The following LAMA1 variants were observed in gnomAD, a reference collection of about 807,000 sequenced individuals.
The protein encoded by LAMA1 is laminin subunit alpha-1.
LAMA1 carries 219 observed loss-of-function variants against 348.7 expected under a neutral mutation model. The observed-to-expected ratio is 0.63, with a 90% CI of 0.56 to 0.70. The LOEUF (loss-of-function observed/expected upper bound fraction) is 0.70, where lower values mean the gene tolerates loss of function less well. Ranked by LOEUF, LAMA1 falls within the 30% of genes least tolerant of loss-of-function variation. LAMA1 has a pLI of 0.00. For missense variants in LAMA1, 3,744 were observed against 3,888.0 expected, an observed-to-expected ratio of 0.96 and a Z score of 0.99; for synonymous variants, 1,487 against 1,491.0, an observed-to-expected ratio of 1.00 and a Z score of 0.06.
At chr18:7,038,441 T>C in intron 11 of LAMA1, 3 of 359,556 alleles carry the variant, frequency 8.3e-6, no homozygotes, top group Non-Finnish European at 1.6e-5. Flanking sequence ...TTAGCGTCTT[T>C]GAGCTGGAAA....
intron 3 of LAMA1, among the ~76,000 whole-genome samples, chr18:7,060,425 T>G (rs2058098057): frequency 6.6e-6 from 1 of 152,212 alleles, no homozygotes; most frequent in South Asian, 2.1e-4. Flanking sequence ...GTCCAGTAAC[T>G]TTTCTCTTTT....
chr18:6,972,012 A>C (rs1294753002), intron 47 of LAMA1, 31 bp from the exon 48 acceptor site: 2 of 1,612,124 alleles, frequency 1.2e-6, no homozygotes, highest in Non-Finnish European at 1.7e-6. Context: ...AACATAACCA[A>C]TATATAAGCT....
intron 19 of LAMA1, among the ~76,000 whole-genome samples, chr18:7,020,337 G>T (rs1299668021): frequency 6.6e-6 from 1 of 152,162 alleles, no homozygotes; most frequent in Non-Finnish European, 1.5e-5. Flanking sequence ...TATGGGGGGT[G>T]AGGGGAAACA....
chr18:6,987,269 T>C (rs985357240), intron 36 of LAMA1, among the ~76,000 whole-genome samples: 2 of 152,228 alleles, frequency 1.3e-5, no homozygotes, highest in African/African-American at 4.8e-5. Context: ...ACATTCTGTG[T>C]TGATGGGAAC....
chr18:7,030,484 T>TA (rs2057963835), intron 16 of LAMA1, among the ~76,000 whole-genome samples: 1 of 142,580 alleles, frequency 7.0e-6, no homozygotes, highest in Admixed American at 6.9e-5. Context: ...AATCAGAATG[T>TA]GGGGTGTAGT....
chr18:7,086,946 A>G (rs1273558427), intron 1 of LAMA1, among the ~76,000 whole-genome samples: 1 of 152,240 alleles, frequency 6.6e-6, no homozygotes, highest in Non-Finnish European at 1.5e-5. Context: ...TTAGAAAATG[A>G]AGTGAGAAAA....
Position 7,017,259 on chromosome 18 carries a change from T to C in LAMA1, c.2808+19A>G. ...CTCTGTACCAAGGCTAAGGTGTCAATTAGTCACATGCATCTTACCAAGCAC... is the reference window on the plus strand; with the variant it reads ...CTCTGTACCAAGGCTAAGGTGTCAACTAGTCACATGCATCTTACCAAGCAC... On this transcript the variant is annotated intron_variant, in intron 20 of 62. Transcript: ENST00000389658. The C allele has an allele frequency of 3.2e-6, 5 of 1,584,364 alleles. No homozygotes were observed. The highest frequency in any genetic ancestry group is 3.5e-6 in the Non-Finnish European group (4 of 1,154,260).
chr18:7,007,425 A>T (rs1271842525), intron 28 of LAMA1, 149 bp from the exon 29 acceptor site: 1 of 729,678 alleles, frequency 1.4e-6, no homozygotes, highest in Admixed American at 2.9e-5. Context: ...GCAAATGAAA[A>T]AACACAAGGT....
intron 9 of LAMA1, among the ~76,000 whole-genome samples, chr18:7,041,410 C>T (rs2058019987): frequency 6.6e-6 from 1 of 152,198 alleles, no homozygotes; most frequent in African/African-American, 2.4e-5. Context: ...ATCATCCCCT[C>T]ACCAGGTGCA....
intron 29 of LAMA1, among the ~76,000 whole-genome samples, chr18:7,006,372 A>AT (rs147555598): frequency 0.077 from 11,715 of 152,076 alleles, 513 homozygotes; most frequent in Admixed American, 0.089. Context: ...GAGAATATGC[A>AT]TTTTTTTAAA....
At chr18:7,025,358 TGA>T (rs771946330) in intron 17 of LAMA1, among the ~76,000 whole-genome samples, 14 of 152,286 alleles carry the variant, frequency 9.2e-5, no homozygotes, top group South Asian at 6.2e-4. Flanking sequence ...CCTGCAAATC[TGA>T]GAGAAGAGCT....
chr18:7,107,983 C>T (rs571026155), intron 1 of LAMA1, among the ~76,000 whole-genome samples: 1 of 150,112 alleles, frequency 6.7e-6, no homozygotes, highest in South Asian at 2.1e-4. Context: ...CACTGCACTC[C>T]AGCCTGGGCG....
At chr18:7,072,741 G>A (rs111499869) in intron 3 of LAMA1, among the ~76,000 whole-genome samples, 134 of 152,292 alleles carry the variant, frequency 8.8e-4, no homozygotes, top group African/African-American at 2.9e-3. Context: ...GTATACTGGT[G>A]CAAGTGACCA....
At chr18:7,009,026 T>C (rs1371137470) in intron 27 of LAMA1, among the ~76,000 whole-genome samples, 1 of 152,228 alleles carries the variant, frequency 6.6e-6, no homozygotes, top group African/African-American at 2.4e-5. Context: ...ATTATGTCCT[T>C]ATATTTTATA....
At chr18:6,999,008 G>T (rs2057795101) in intron 32 of LAMA1, among the ~76,000 whole-genome samples, 1 of 152,114 alleles carries the variant, frequency 6.6e-6, no homozygotes, top group Non-Finnish European at 1.5e-5. Flanking sequence ...ACTCCAGCCT[G>T]GGGGACAGAG....
chr18:7,099,735 C>A (rs2058283635), intron 1 of LAMA1, among the ~76,000 whole-genome samples: 1 of 151,798 alleles, frequency 6.6e-6, no homozygotes, highest in Non-Finnish European at 1.5e-5. Flanking sequence ...AAACCTATGG[C>A]ACTACAAAAC....
chr18:6,985,334 G>A lies in LAMA1; in HGVS notation c.5563C>T (p.Leu1855=), dbSNP rs1157081791. The change falls in exon 39 of 63, where the codon CTG becomes TTG. Residue 1855 remains leucine (L), a synonymous_variant. Transcript: ENST00000389658. ...SAKIRHHIDD[L]VMHMSQRNAV... ...TTCCTTTGGGACATGTGCATGACCAGGTCATCTATGTGGTGCCTGATTTTG... is the reference window on the plus strand; with the variant it reads ...TTCCTTTGGGACATGTGCATGACCAAGTCATCTATGTGGTGCCTGATTTTG... 6.2e-7 allele frequency: 1 copy of A among 1,614,098 alleles called. No homozygotes were observed. Among genetic ancestry groups the A allele is most frequent in the African/African-American group, 1.3e-5 (1 of 74,934 alleles).
At chr18:6,965,176 ACTAT>A in intron 50 of LAMA1, 108 bp downstream of exon 50, 1 of 1,345,676 alleles carries the variant, frequency 7.4e-7, no homozygotes, top group Non-Finnish European at 1.1e-6. Context: ...TTCCAAGTAG[ACTAT>A]CATTCAATAC....
rs192215108 is a variant in LAMA1, at chr18:6,997,614, C to T, written c.4806+128G>A. On this transcript the variant is annotated intron_variant, in intron 33 of 62. Coordinates refer to ENST00000389658, the MANE Select transcript of LAMA1 (RefSeq NM_005559.4). ...GTCAAGGAAAGACTGGACACCTGCCCGCAGGGGCTGATGGAAGTTGGGCTC... is the reference window on the plus strand; with the variant it reads ...GTCAAGGAAAGACTGGACACCTGCCTGCAGGGGCTGATGGAAGTTGGGCTC... The T allele has an allele frequency of 3.6e-5, 35 of 985,460 alleles. No individual in the cohort carries two copies. The highest frequency in any genetic ancestry group is 6.4e-5 in the African/African-American group (4 of 62,954). 61.0% of individuals were successfully genotyped at this position (985,460 alleles called of 1,614,324 possible). A position where few individuals can be genotyped will look rare whatever the true frequency, so the allele number is the denominator to read the frequency against.
Sources: allele counts gnomAD v4.1 joint callset (sites outside exome capture counted in the v4.1 genomes callset), GRCh38; gene constraint gnomAD v4.1.1; transcripts MANE v1.5; gene names NCBI Gene and HGNC (gene_info 2026-07-23, HGNC 2026-07-21).